ODF2L: variants seen among roughly 807,000 people sequenced by gnomAD.
The protein encoded by ODF2L is outer dense fiber of sperm tails 2 like.
In ODF2L, 76 loss-of-function variants were observed where a neutral mutation model predicts 86.3. The observed-to-expected ratio is 0.88, with a 90% CI of 0.73 to 1.07. The LOEUF is 1.07. Ranked by LOEUF, ODF2L falls within the 50% of genes least tolerant of loss-of-function variation. The pLI is 0.00. For synonymous variants in ODF2L, 241 were observed against 231.3 expected, an observed-to-expected ratio of 1.04 and a Z score of -0.38; for missense variants, 748 against 717.4, an observed-to-expected ratio of 1.04 and a Z score of -0.49.
chr1:86,377,739 T>C (rs188779021), intron 7 of ODF2L, among the ~76,000 whole-genome samples: 87 of 152,288 alleles, frequency 5.7e-4, no homozygotes, highest in African/African-American at 2.1e-3. Flanking sequence ...ACAACTAGAA[T>C]GCAGGGCACC....
intron 17 of ODF2L, 110 bp downstream of exon 16, chr1:86,352,749 T>C (rs941567090): frequency 1.6e-6 from 1 of 640,250 alleles, no homozygotes; most frequent in Non-Finnish European, 2.6e-6. Context: ...CTTGTTATTT[T>C]TAATATTATC....
chr1:86,371,201 T>C, intron 9 of ODF2L, 48 bp from the exon 10 acceptor site: 1 of 1,056,640 alleles, frequency 9.5e-7, no homozygotes, highest in Non-Finnish European at 1.3e-6. Context: ...AAAATTTTTA[T>C]TCAAATAACA....
chr1:86,371,265 G>A, intron 9 of ODF2L, 112 bp from the exon 10 acceptor site: 53 of 486,276 alleles, frequency 1.1e-4, no homozygotes, highest in South Asian at 2.3e-4. Context: ...TTTCAAATAG[G>A]GAATATACAA....
intron 11 of ODF2L, among the ~76,000 whole-genome samples, chr1:86,366,722 A>T (rs1374183017): frequency 1.3e-5 from 2 of 152,154 alleles, no homozygotes; most frequent in Admixed American, 6.5e-5. Context: ...AATACTTTTT[A>T]AAATTCTTGA....
intron 1 of ODF2L, among the ~76,000 whole-genome samples, chr1:86,391,883 A>T (rs902343898): frequency 2.6e-5 from 4 of 152,226 alleles, no homozygotes; most frequent in Admixed American, 2.0e-4. Flanking sequence ...TTTGCATGGC[A>T]AAAGGAATAG....
chr1:86,370,961 T>C (rs1659749881), intron 10 of ODF2L, 57 bp downstream of exon 10: 1 of 1,149,868 alleles, frequency 8.7e-7, no homozygotes, highest in East Asian at 2.7e-5. Context: ...CTATTTCTAC[T>C]AAGTAGACTA....
At position 86,376,420 on chromosome 1, in the gene ODF2L, T is replaced by TA. The variant is rs374300574; in HGVS notation, c.625-3dup. On this transcript the variant is annotated splice_region_variant and splice_polypyrimidine_tract_variant and intron_variant, in intron 7 of 17. Coordinates refer to ENST00000317336, the Ensembl canonical transcript of ODF2L. ...CTTGGCTATCTTGGTTTCTAAGCTC[T>TA]AAAAAAAAAATTAGCAACAATTAAA... The TA allele has an allele frequency of 0.012, 15,904 of 1,380,358 alleles. 367 individuals are homozygous for TA. The African/African-American group carries it at 0.12, about 10-fold the overall frequency. The allele number at this position is 1,380,358 out of a possible 1,614,324, so 85.5% of individuals were successfully genotyped here.
At position 86,383,205 on chromosome 1, in the gene ODF2L, A is replaced by T; in HGVS notation, c.373-9T>A. On this transcript the variant is annotated splice_polypyrimidine_tract_variant and intron_variant, in intron 4 of 17. Coordinates refer to ENST00000317336, the Ensembl canonical transcript of ODF2L. ...GATAAATTGTCTCCTGTCTGAGAAAAGAATGTTATAAATCAGTGATCGCAA... is the reference window on the plus strand; with the variant it reads ...GATAAATTGTCTCCTGTCTGAGAAATGAATGTTATAAATCAGTGATCGCAA... 6.7e-7 allele frequency: 1 copy of T among 1,502,870 alleles called. No homozygotes were observed. Among genetic ancestry groups the T allele is most frequent in the Non-Finnish European group, 9.1e-7 (1 of 1,099,236 alleles). The allele number at this position is 1,502,870 out of a possible 1,614,324, so 93.1% of individuals were successfully genotyped here.
chr1:86,385,409 G>C (rs1660875494), intron 3 of ODF2L, 49 bp downstream of exon 3: 2 of 1,177,456 alleles, frequency 1.7e-6, no homozygotes, highest in South Asian at 2.8e-5. Flanking sequence ...AATGCATTCT[G>C]AGTATTATAC....
chr1:86,392,826 A>G (rs570841044), intron 1 of ODF2L, among the ~76,000 whole-genome samples: 1 of 152,364 alleles, frequency 6.6e-6, no homozygotes, highest in African/African-American at 2.4e-5. Context: ...AAAAATTTTA[A>G]AAAACCATTT....
intron 16 of ODF2L, 30 bp downstream of exon 15, chr1:86,354,499 TA>T (rs1169553269): frequency 1.4e-6 from 2 of 1,455,502 alleles, no homozygotes; most frequent in Non-Finnish European, 1.9e-6. Context: ...GTAAATGAAT[TA>T]AAAAGTTTCT....
intron 1 of ODF2L, 131 bp from the exon 2 acceptor site, chr1:86,387,217 T>A: frequency 2.3e-6 from 1 of 437,894 alleles, no homozygotes; most frequent in Non-Finnish European, 4.0e-6. Context: ...GTATAACTGC[T>A]ACTCATTGTT....
At chr1:86,389,681 A>T (rs931935610) in intron 1 of ODF2L, among the ~76,000 whole-genome samples, 9 of 152,116 alleles carry the variant, frequency 5.9e-5, no homozygotes, top group African/African-American at 1.9e-4. Flanking sequence ...GATTCAAATA[A>T]GCTCAATTAG....
At chr1:86,385,342 T>G in intron 3 of ODF2L, 116 bp downstream of exon 3, 1 of 588,330 alleles carries the variant, frequency 1.7e-6, no homozygotes, top group Non-Finnish European at 2.9e-6. Context: ...AAACCCTCAT[T>G]TTTGGTATGA....
rs147114543 is a variant in ODF2L, at chr1:86,390,357, T to C, written c.-59-3271A>G. Among the ~76,000 whole-genome samples, 1,689 of 151,920 alleles carry C rather than the reference T, an allele frequency of 0.011. 68 individuals carry two copies. In the East Asian group the frequency reaches 0.12, roughly 10 times the overall value. ...ATTGCTTGAACCCAGGAGGCGGAGG[T>C]TGCAGTGAGCCACGACCATGCCACT... On this transcript the variant is annotated intron_variant, in intron 1 of 17. Transcript: ENST00000317336.
chr1:86,378,541 T>C (rs915721286), intron 7 of ODF2L, among the ~76,000 whole-genome samples: 5 of 152,136 alleles, frequency 3.3e-5, no homozygotes, highest in African/African-American at 1.2e-4. Context: ...GACTGGGTGA[T>C]TTACAAAGGG....
intron 1 of ODF2L, among the ~76,000 whole-genome samples, chr1:86,388,681 T>G (rs1405158433): frequency 6.6e-6 from 1 of 152,116 alleles, no homozygotes; most frequent in Non-Finnish European, 1.5e-5. Flanking sequence ...AAGATAGAAA[T>G]TTTCAATTTG....
intron 8 of ODF2L, 181 bp from the exon 9 acceptor site, chr1:86,372,721 A>G (rs2101049079): frequency 2.5e-6 from 1 of 395,908 alleles, no homozygotes; most frequent in East Asian, 4.1e-5. Flanking sequence ...AAAATATGGA[A>G]CCAGCCTAAA....
chr1:86,351,385 C>CA (rs1246338054), exon 18 of ODF2L: 1 of 152,136 alleles, frequency 6.6e-6, no homozygotes, highest in Non-Finnish European at 1.5e-5. Flanking sequence ...TCAGGTATGT[C>CA]AAACAGCAGA....
Sources: gnomAD v4.1 joint callset for allele counts (sites outside exome capture counted in the v4.1 genomes callset) on GRCh38, gnomAD v4.1.1 for gene constraint, MANE v1.5 for transcripts, NCBI Gene and HGNC (gene_info 2026-07-23, HGNC 2026-07-21) for gene names.